MUC4: variants seen among roughly 807,000 people sequenced by gnomAD.
MUC4 encodes the protein mucin-4.
Under a neutral mutation model 257.9 loss-of-function variants are expected in MUC4, and 202 were observed. The ratio of observed to expected loss-of-function variants is 0.78; its 90% CI spans 0.70 to 0.88. The LOEUF (loss-of-function observed/expected upper bound fraction) is 0.88. MUC4 is among the 40% of genes least tolerant of loss of function. The pLI, the probability that MUC4 is intolerant of heterozygous loss-of-function variation, is 0.00. For synonymous variants in MUC4, 2,351 were observed against 2,757.1 expected (o/e 0.85, Z 4.62); for missense variants, 5,976 against 6,513.7 (o/e 0.92, Z 2.84).
chr3:195,771,707 G>C lies in MUC4; in HGVS notation c.13187C>G (p.Ala4396Gly), dbSNP rs765093267. 2 of 1,613,940 alleles carry C rather than the reference G, an allele frequency of 1.2e-6. No individual in the cohort carries two copies. The highest frequency in any genetic ancestry group is 1.7e-6 in the Non-Finnish European group (2 of 1,179,862). ...GAAGTCAGCATCGTCCCAGAACGGA[G>C]CCACCAGGGCCACAGGGTCCCGGCC... ...FTGRDPVALV[A>G]PFWDDADFST... The change falls in exon 5 of 25, where the codon GCT becomes GGT. Residue 4396 changes from alanine to glycine, a missense_variant. This residue lies in a region of MUC4 where 996 missense variants were observed against 1,137.3 expected (regional missense o/e 0.88). Coordinates refer to ENST00000463781, the MANE Select transcript of MUC4 (RefSeq NM_018406.7).
chr3:195,794,277 CTT>C (rs1000113465), intron 1 of MUC4, among the ~76,000 whole-genome samples: 1 of 150,274 alleles, frequency 6.7e-6, no homozygotes, highest in Non-Finnish European at 1.5e-5. Flanking sequence ...GAAAACTTGC[CTT>C]TTTTTTTCTC....
chr3:195,761,437 G>T, intron 15 of MUC4, 47 bp downstream of exon 15: 1 of 1,472,026 alleles, frequency 6.8e-7, no homozygotes, highest in Non-Finnish European at 9.5e-7. Context: ...TAAACATACC[G>T]GCTCCCCTCA....
In MUC4 at chr3:195,789,124, T is replaced by G. The variant is rs773138108; in HGVS notation, c.2456A>C (p.Glu819Ala). 1 of 1,613,474 alleles carries G rather than the reference T, an allele frequency of 6.2e-7. No homozygotes were observed. Among genetic ancestry groups the G allele is most frequent in the African/African-American group, 1.3e-5 (1 of 74,836 alleles). Residue 819 changes from glutamate (E) to alanine (A), a missense_variant, in exon 2 of 25, where the codon GAA (glutamate) becomes GCA (alanine). Coordinates refer to ENST00000463781, the MANE Select transcript of MUC4 (RefSeq NM_018406.7). ...GASGTTPSGS[E>A]GISTSGETTR... is the part of the protein sequence containing the mutation. ...CGTCTCTCCTGAGGTGGATATTCCT[T>G]CGCTTCCTGAAGGTGTTGTGCCACT...
chr3:195,766,188 T>C (rs991715932), intron 8 of MUC4, among the ~76,000 whole-genome samples: 7 of 152,160 alleles, frequency 4.6e-5, no homozygotes, highest in Non-Finnish European at 8.8e-5. Context: ...CTCGAACTCC[T>C]GATCTCAAGT....
At chr3:195,772,842 G>A (rs1479720839) in intron 4 of MUC4, among the ~76,000 whole-genome samples, 3 of 116,978 alleles carry the variant, frequency 2.6e-5, no homozygotes, top group African/African-American at 3.9e-5. Context: ...TCGCTCAGGG[G>A]TATAGACACC....
intron 10 of MUC4, among the ~76,000 whole-genome samples, chr3:195,764,566 G>A (rs1424554816): frequency 2.6e-5 from 4 of 152,056 alleles, no homozygotes; most frequent in Non-Finnish European, 4.4e-5. Context: ...GACGGTCTGG[G>A]AACTGTGGAA....
In MUC4 at chr3:195,765,023, C is replaced by T; in HGVS notation, c.13898G>A (p.Trp4633Ter). 1.9e-6 allele frequency: 3 copies of T among 1,613,936 alleles called. No individual in the cohort carries two copies. Among genetic ancestry groups the T allele is most frequent in the African/African-American group, 1.3e-5 (1 of 75,022 alleles). Residue 4633 changes from tryptophan (W) to a stop codon, truncating the protein, a stop_gained, in exon 10 of 25, where the codon TGG becomes TAG. Transcript: ENST00000463781. LOFTEE classifies it high-confidence loss of function. Reference sequence around the variant, plus strand: ...CAACTGCCAAGGACGCTGCACGTGCCAGCCTTCACGAAACTCTCCCCAGGG... The same window carrying T: ...CAACTGCCAAGGACGCTGCACGTGCTAGCCTTCACGAAACTCTCCCCAGGG... ...YGPWGEFREGWHVQRPWQLAQ... is the reference protein window; with the variant it reads ...YGPWGEFREG
At chr3:195,803,891 C>T (rs975835971) in intron 1 of MUC4, among the ~76,000 whole-genome samples, 2 of 151,922 alleles carry the variant, frequency 1.3e-5, no homozygotes, top group Non-Finnish European at 2.9e-5. Flanking sequence ...ATGCAGAGGG[C>T]TCTGAGCCTG....
At chr3:195,753,432 C>T (rs983220450) in intron 19 of MUC4, 4 of 579,714 alleles carry the variant, frequency 6.9e-6, no homozygotes, top group East Asian at 6.3e-5. Flanking sequence ...GGTATTCTTC[C>T]ACTTTTGTGG....
intron 1 of MUC4, among the ~76,000 whole-genome samples, chr3:195,793,864 G>T (rs1038516047): frequency 6.6e-6 from 1 of 151,892 alleles, no homozygotes; most frequent in African/African-American, 2.4e-5. Flanking sequence ...AAACCCAAGG[G>T]GTAAATGCAT....
In MUC4 at chr3:195,751,236, G is replaced by A. The variant is rs139774277; in HGVS notation, c.15618C>T (p.Ala5206=). The A allele has an allele frequency of 7.3e-5, 118 of 1,607,570 alleles. No individual in the cohort carries two copies. The highest frequency in any genetic ancestry group is 8.2e-5 in the Non-Finnish European group (96 of 1,177,560). ...AYRLGTLDMR[A]FLRNSQVERI... ...GTTCCACTTGGCTGTTGCGGAGAAA[G>A]GCCCGCATGTCCAGGGTCCCCAGTC... The change falls in exon 22 of 25, where the codon GCC becomes GCT. Residue 5206 remains alanine (A), a synonymous_variant. Transcript: ENST00000463781.
In MUC4 at chr3:195,774,258, C is replaced by T. The variant is rs772061178; in HGVS notation, c.12991G>A (p.Val4331Ile). 1.5e-5 allele frequency: 24 copies of T among 1,599,418 alleles called. No homozygotes were observed. Among genetic ancestry groups the T allele is most frequent in the East Asian group, 4.6e-5 (2 of 43,856 alleles). The change falls in exon 4 of 25, where the codon GTC becomes ATC. Residue 4331 changes from valine (V) to isoleucine (I), a missense_variant. Transcript: ENST00000463781. The stretch of plus-strand genomic sequence containing the variant: ...GAGGTGAAGTCCACGGTCCTCCTGA[C>T]GAACTCCAGGTCCCCGGCGCCTGCC... Reference protein sequence around the residue: ...YGAGAGDLEFVRRTVDFTSPL... With the variant: ...YGAGAGDLEFIRRTVDFTSPL...
rs147161474 is a variant in MUC4 at position 195,780,957 on chromosome 3, G to A, written c.10623C>T (p.Ser3541=). The change falls in exon 2 of 25, where the codon AGC becomes AGT. Residue 3541 remains serine, a synonymous_variant. Transcript: ENST00000463781. ...TGHATPLPVT[S]LSSVSTGDTT... is the part of the protein sequence containing the mutation. The stretch of plus-strand genomic sequence containing the variant: ...TGTCACCTGTGGATACTGAGGAAAG[G>A]CTGGTGACAGGAAGAGGCGTGGCGT... The A allele has an allele frequency of 6.7e-7, 1 of 1,492,494 alleles. No individual in the cohort carries two copies. The highest frequency in any genetic ancestry group is 9.0e-7 in the Non-Finnish European group (1 of 1,107,690). 92.5% of individuals were successfully genotyped at this position (1,492,494 alleles called of 1,614,324 possible). A position where few individuals can be genotyped will look rare whatever the true frequency, so the allele number is the denominator to read the frequency against.
At position 195,784,700 on chromosome 3, in the gene MUC4, G is replaced by C. The variant is rs1327906618; in HGVS notation, c.6880C>G (p.Pro2294Ala). 2 of 1,422,496 alleles carry C rather than the reference G, an allele frequency of 1.4e-6. No homozygotes were observed. Among genetic ancestry groups the C allele is most frequent in the African/African-American group, 2.6e-5 (1 of 38,308 alleles). The allele number at this position is 1,422,496 out of a possible 1,614,324, so 88.1% of individuals were successfully genotyped here. ...GDTTPLPVTS[P>A]SSASTGHATP... Reference sequence around the variant, plus strand: ...GCGTGACCTGTGGATGCTGAGGAAGGGCTAGTGACAGGAAGAGGAGTGGTG... The same window carrying C: ...GCGTGACCTGTGGATGCTGAGGAAGCGCTAGTGACAGGAAGAGGAGTGGTG... Residue 2294 changes from proline to alanine, a missense_variant, in exon 2 of 25, where the codon CCT becomes GCT. Pro to Ala is a conservative substitution (Grantham distance 27). Around this residue, in one of 44 missense-constraint regions of MUC4, gnomAD observed 62 missense variants for 74.0 expected, o/e 0.84. Coordinates refer to ENST00000463781, the MANE Select transcript of MUC4 (RefSeq NM_018406.7).
chr3:195,772,250 A>G (rs890904633), intron 4 of MUC4, among the ~76,000 whole-genome samples: 1 of 150,702 alleles, frequency 6.6e-6, no homozygotes, highest in Non-Finnish European at 1.5e-5. Flanking sequence ...AGGGGTGTAG[A>G]CACCCTCTCT....
chr3:195,802,688 C>T lies in MUC4; in HGVS notation c.82+9048G>A, dbSNP rs1735498318. On this transcript the variant is annotated intron_variant, in intron 1 of 24. Transcript: ENST00000463781. ...GAGGGAGGCCACTGGGCAAGAATGACCTTCGTCTGGTTGTGACTGAGGAAA... is the reference window on the plus strand; with the variant it reads ...GAGGGAGGCCACTGGGCAAGAATGATCTTCGTCTGGTTGTGACTGAGGAAA... Among the ~76,000 whole-genome samples the T allele has an allele frequency of 2.0e-5, 3 of 152,114 alleles. No homozygotes were observed. The South Asian group carries it at 6.2e-4, about 32-fold the overall frequency.
At position 195,790,837 on chromosome 3, in the gene MUC4, G is replaced by A; in HGVS notation, c.743C>T (p.Ser248Leu). 6.2e-7 allele frequency: 1 copy of A among 1,613,922 alleles called. No individual in the cohort carries two copies. The highest frequency in any genetic ancestry group is 8.5e-7 in the Non-Finnish European group (1 of 1,179,880). The change falls in exon 2 of 25, where the codon TCA becomes TTA. Residue 248 changes from serine to leucine, a missense_variant. Physicochemically the swap from Ser to Leu is moderately radical, Grantham distance 145. This residue lies in a region of MUC4 where 1,583 missense variants were observed against 1,257.4 expected (regional missense o/e 1.26). Transcript: ENST00000463781. ...KTSPSGETATSSLCSVTNTSM... is the reference protein window; with the variant it reads ...KTSPSGETATLSLCSVTNTSM... ...TGTGTTTGTGACACTACAGAGGGAT[G>A]AGGTAGCTGTTTCACCTGAAGGAGA...
chr3:195,786,466 G>C lies in MUC4; in HGVS notation c.5114C>G (p.Ala1705Gly), dbSNP rs7374584. ...TRLPVTDVSS[A>G]STGQATPLPV... ...AAGAGGGGTGGCCTGACCTGTGGAT[G>C]CCGAGGAAACGTCGGTGACAGGAAG... Residue 1705 changes from alanine to glycine, a missense_variant, in exon 2 of 25, where the codon GCA (alanine) becomes GGA (glycine). By Grantham distance (60) the Ala-to-Gly change is moderately conservative. This residue lies in a region of MUC4 where 138 missense variants were observed against 107.8 expected (regional missense o/e 1.28). Transcript: ENST00000463781. 3.3e-6 allele frequency: 5 copies of C among 1,522,670 alleles called. No individual in the cohort carries two copies. In the African/African-American group the frequency reaches 4.4e-5, roughly 13 times the overall value. 94.3% of individuals were successfully genotyped at this position (1,522,670 alleles called of 1,614,324 possible). A position where few individuals can be genotyped will look rare whatever the true frequency, so the allele number is the denominator to read the frequency against.
Position 195,770,204 on chromosome 3 carries a change from G to A in MUC4, c.13398+12C>T, listed in dbSNP as rs1722498289. ...CAGATAGCTCCTGGGAGCTGCCCAGGGGTCTACTCACCCCGAGGGTCCACT... is the reference window on the plus strand; with the variant it reads ...CAGATAGCTCCTGGGAGCTGCCCAGAGGTCTACTCACCCCGAGGGTCCACT... On this transcript the variant is annotated intron_variant, in intron 6 of 24. Coordinates refer to ENST00000463781, the MANE Select transcript of MUC4 (RefSeq NM_018406.7). 6.3e-7 allele frequency: 1 copy of A among 1,585,730 alleles called. No homozygotes were observed. Among genetic ancestry groups the A allele is most frequent in the Non-Finnish European group, 8.6e-7 (1 of 1,167,928 alleles).
Sources: allele counts gnomAD v4.1 joint callset (sites outside exome capture counted in the v4.1 genomes callset), GRCh38; gene constraint gnomAD v4.1.1; regional missense constraint gnomAD v4.1.1; transcripts MANE v1.5; gene names NCBI Gene and HGNC (gene_info 2026-07-23, HGNC 2026-07-21).